DOCK1: variants seen among roughly 807,000 people sequenced by gnomAD.
DOCK1 encodes the protein dedicator of cytokinesis protein 1.
DOCK1 carries 138 observed loss-of-function variants against 262.7 expected under a neutral mutation model. The ratio of observed to expected loss-of-function variants is 0.53; its 90% CI spans 0.46 to 0.61. The LOEUF is 0.61. DOCK1 is among the 20% of genes least tolerant of loss of function. DOCK1 has a pLI of 0.00. For missense variants in DOCK1, 1,908 were observed against 2,370.7 expected, an observed-to-expected ratio of 0.80 and a Z score of 4.05; for synonymous variants, 866 against 867.4, an observed-to-expected ratio of 1.00 and a Z score of 0.03.
intron 27 of DOCK1, among the ~76,000 whole-genome samples, chr10:127,174,464 T>TA (rs1313327470): frequency 6.6e-6 from 1 of 152,210 alleles, no homozygotes; most frequent in Admixed American, 6.5e-5. Flanking sequence ...CATTTGTTTT[T>TA]AAAGATGCTG....
At chr10:127,191,149 C>T (rs899581779) in intron 27 of DOCK1, among the ~76,000 whole-genome samples, 38 of 152,108 alleles carry the variant, frequency 2.5e-4, no homozygotes, top group African/African-American at 9.2e-4. Flanking sequence ...CTGCTGGGCT[C>T]AGGAGTGCAA....
chr10:127,406,830 TAA>T (rs1297611082), intron 40 of DOCK1, among the ~76,000 whole-genome samples: 1 of 152,228 alleles, frequency 6.6e-6, no homozygotes, highest in Non-Finnish European at 1.5e-5. Context: ...TTTTTTCTAT[TAA>T]AGTCTTTATA....
chr10:127,451,571 G>T lies in DOCK1; in HGVS notation c.*144G>T. 7 of 1,497,034 alleles carry T rather than the reference G, an allele frequency of 4.7e-6. No homozygotes were observed. The African/African-American group carries it at 5.5e-5, about 12-fold the overall frequency. 92.7% of individuals were successfully genotyped at this position (1,497,034 alleles called of 1,614,324 possible). A position where few individuals can be genotyped will look rare whatever the true frequency, so the allele number is the denominator to read the frequency against. Reference sequence around the variant, plus strand: ...ACTGCTTTTTCTTCAAAGGAGTTCAGTTCTCACCATGGAGTGAGTGGCCTT... The same window carrying T: ...ACTGCTTTTTCTTCAAAGGAGTTCATTTCTCACCATGGAGTGAGTGGCCTT... On this transcript the variant is annotated 3_prime_UTR_variant, in exon 52 of 52. Transcript: ENST00000623213.
At position 127,000,175 on chromosome 10, in the gene DOCK1, C is replaced by T; in HGVS notation, c.853C>T (p.Leu285Phe). The T allele has an allele frequency of 6.2e-7, 1 of 1,613,812 alleles. No individual in the cohort carries two copies. Among genetic ancestry groups the T allele is most frequent in the Non-Finnish European group, 8.5e-7 (1 of 1,179,792 alleles). ...TTATGGAAACTAATATTTCTAGGAC[C>T]TCGGAAGCAAAGACCTGAAAAGGGA... The part of the protein sequence containing the change: ...LHNLRAVFTD[L>F]GSKDLKREKI... Residue 285 changes from leucine (L) to phenylalanine (F), a missense_variant, in exon 10 of 52, where the codon CTC becomes TTC. Leu to Phe is a conservative substitution (Grantham distance 22). Around this residue, in one of 9 missense-constraint regions of DOCK1, gnomAD observed 102 missense variants for 154.9 expected, o/e 0.66. Transcript: ENST00000623213.
Position 127,175,552 on chromosome 10 carries a change from A to G in DOCK1, c.2847+47788A>G. On this transcript the variant is annotated intron_variant, in intron 27 of 51. Coordinates refer to ENST00000623213, the MANE Select transcript of DOCK1 (RefSeq NM_001290223.2). The surrounding 1 kb of genome is among the most constrained non-coding windows in gnomAD (Gnocchi z 6.3). ...CTCCTCCGCTCGTCATCTGCCGGGC[A>G]GAGTGACCACTGGCTGGCGGCTGCA... 2 of 1,611,766 alleles carry G rather than the reference A, an allele frequency of 1.2e-6. No homozygotes were observed. Among genetic ancestry groups the G allele is most frequent in the Non-Finnish European group, 1.7e-6 (2 of 1,179,986 alleles).
intron 29 of DOCK1, among the ~76,000 whole-genome samples, chr10:127,295,190 C>T (rs562112999): frequency 2.6e-5 from 4 of 152,206 alleles, no homozygotes; most frequent in Non-Finnish European, 2.9e-5. Context: ...GCTGTACAAG[C>T]GTGGTACCAG....
At chr10:127,286,313 A>G (rs2061150868) in intron 29 of DOCK1, among the ~76,000 whole-genome samples, 1 of 152,188 alleles carries the variant, frequency 6.6e-6, no homozygotes, top group South Asian at 2.1e-4. Flanking sequence ...TGAGGCTAGC[A>G]GTTGATTTCT....
intron 23 of DOCK1, among the ~76,000 whole-genome samples, chr10:127,082,032 C>T (rs555024287): frequency 2.2e-4 from 33 of 152,268 alleles, no homozygotes; most frequent in African/African-American, 7.7e-4. Context: ...TCCTCTTTGA[C>T]TTCCTCTCTG....
chr10:126,947,151 G>C (rs1057055529), intron 1 of DOCK1, among the ~76,000 whole-genome samples: 3 of 152,222 alleles, frequency 2.0e-5, no homozygotes, highest in Non-Finnish European at 4.4e-5. Context: ...GTTGATATGG[G>C]ATGATGTGGT....
chr10:127,128,435 C>T (rs763056944), intron 27 of DOCK1, among the ~76,000 whole-genome samples: 14 of 147,648 alleles, frequency 9.5e-5, no homozygotes, highest in Non-Finnish European at 1.8e-4. Flanking sequence ...AGGTTTGTTA[C>T]GTAGGTATGC....
At chr10:127,069,525 G>GATTTT (rs1458238372) in intron 23 of DOCK1, among the ~76,000 whole-genome samples, 7 of 152,192 alleles carry the variant, frequency 4.6e-5, no homozygotes, top group African/African-American at 1.7e-4. Context: ...GATTTTGAGT[G>GATTTT]GAGGAGGGGG....
intron 1 of DOCK1, among the ~76,000 whole-genome samples, chr10:126,925,926 A>G (rs1056075666): frequency 2.0e-5 from 3 of 151,892 alleles, no homozygotes; most frequent in African/African-American, 4.8e-5. Context: ...GGTAACACTG[A>G]GAATCTTTGG....
intron 18 of DOCK1, among the ~76,000 whole-genome samples, chr10:127,037,074 A>G (rs893549647): frequency 2.0e-5 from 3 of 151,942 alleles, no homozygotes; most frequent in Admixed American, 2.0e-4. Context: ...TTTAAAAACC[A>G]GTATATTCAT....
Position 127,433,105 on chromosome 10 carries a change from G to A in DOCK1, c.4915-178G>A, listed in dbSNP as rs140873168. On this transcript the variant is annotated intron_variant, in intron 47 of 51. Transcript: ENST00000623213. The stretch of plus-strand genomic sequence containing the variant: ...CACAGTATTGGGTTAGGTTTTAAAA[G>A]ACTCAAAAATAATCATTGTTTTTGT... 2.1e-3 allele frequency among the ~76,000 whole-genome samples: 319 copies of A among 152,262 alleles called. 3 individuals carry two copies. Among genetic ancestry groups the A allele is most frequent in the African/African-American group, 7.2e-3 (300 of 41,556 alleles).
chr10:127,283,432 C>T (rs1037521379), intron 29 of DOCK1, among the ~76,000 whole-genome samples: 1 of 152,226 alleles, frequency 6.6e-6, no homozygotes, highest in African/African-American at 2.4e-5. Flanking sequence ...ATCCAACTCA[C>T]ATGCCAGAGG....
At chr10:127,378,593 A>C (rs887511885) in intron 35 of DOCK1, among the ~76,000 whole-genome samples, 2 of 152,212 alleles carry the variant, frequency 1.3e-5, no homozygotes, top group Non-Finnish European at 2.9e-5. Context: ...AGAAAATAGA[A>C]GACATTTCGT....
At chr10:127,194,003 T>G (rs2056928022) in intron 27 of DOCK1, among the ~76,000 whole-genome samples, 1 of 152,202 alleles carries the variant, frequency 6.6e-6, no homozygotes, top group South Asian at 2.1e-4. Flanking sequence ...AAGCTCAAAG[T>G]CTTAATCACA....
intron 1 of DOCK1, among the ~76,000 whole-genome samples, chr10:126,965,436 T>G (rs1405076130): frequency 2.0e-5 from 3 of 152,144 alleles, no homozygotes; most frequent in Admixed American, 6.5e-5. Flanking sequence ...GTCCCAGACT[T>G]TGGAGTGAGA....
At chr10:127,056,603 C>T (rs1305797899) in intron 22 of DOCK1, among the ~76,000 whole-genome samples, 2 of 152,098 alleles carry the variant, frequency 1.3e-5, no homozygotes, top group Non-Finnish European at 2.9e-5. Context: ...TCTCTCCTTC[C>T]CTCCTTTTTT....
Sources: gnomAD v4.1 joint callset for allele counts (sites outside exome capture counted in the v4.1 genomes callset) on GRCh38, gnomAD v4.1.1 for gene constraint, gnomAD v4.1.1 regional missense constraint, Gnocchi (gnomAD v3.1) non-coding constraint, MANE v1.5 for transcripts, NCBI Gene and HGNC (gene_info 2026-07-23, HGNC 2026-07-21) for gene names.